SMG6: variants seen among roughly 807,000 people sequenced by gnomAD.
SMG6 encodes SMG6 nonsense mediated mRNA decay factor.
In SMG6, 66 loss-of-function variants were observed where a neutral mutation model predicts 142.2. The observed-to-expected ratio is 0.46, with a 90% CI of 0.38 to 0.57. The LOEUF (loss-of-function observed/expected upper bound fraction) is 0.57, where lower values mean the gene tolerates loss of function less well. Ranked by LOEUF, SMG6 falls within the 20% of genes least tolerant of loss-of-function variation. The pLI is 0.00. For missense variants in SMG6, 1,793 were observed against 1,832.0 expected (o/e 0.98, Z 0.39); for synonymous variants, 779 against 702.4 (o/e 1.11, Z -1.72).
chr17:2,277,674 A>G (rs8066372), intron 8 of SMG6, among the ~76,000 whole-genome samples: 64,879 of 152,090 alleles, frequency 0.43, 15,113 homozygotes, highest in African/African-American at 0.62. Context: ...TATAGCAGGA[A>G]TAATTTATGT....
intron 8 of SMG6, among the ~76,000 whole-genome samples, chr17:2,254,496 G>A (rs548527098): frequency 2.6e-4 from 39 of 152,154 alleles, no homozygotes; most frequent in African/African-American, 8.9e-4. Flanking sequence ...CACCAAGCCC[G>A]GCCAATTTTT....
chr17:2,298,638 A>G (rs2075197932), intron 2 of SMG6, among the ~76,000 whole-genome samples: 1 of 151,944 alleles, frequency 6.6e-6, no homozygotes, highest in African/African-American at 2.4e-5. Context: ...GAATGGTATG[A>G]ACCCAGGAGG....
chr17:2,244,651 C>A lies in SMG6; in HGVS notation c.2723+7G>T. 1 of 1,605,340 alleles carries A rather than the reference C, an allele frequency of 6.2e-7. No individual in the cohort carries two copies. The highest frequency in any genetic ancestry group is 8.5e-7 in the Non-Finnish European group (1 of 1,171,912). On this transcript the variant is annotated splice_region_variant and intron_variant, in intron 9 of 18. Coordinates refer to ENST00000263073, the MANE Select transcript of SMG6 (RefSeq NM_017575.5). ...AGGAAAATAAAATAAACATCCTGCA[C>A]ACTTACCCAATCCGGGTAAACAGCT...
At chr17:2,065,444 T>C (rs2067913371) in intron 17 of SMG6, 24 bp downstream of exon 17, 2 of 1,604,386 alleles carry the variant, frequency 1.2e-6, no homozygotes, top group Non-Finnish European at 1.7e-6. Context: ...CTGTGGGCTT[T>C]CCCTTCCTGC....
intron 12 of SMG6, among the ~76,000 whole-genome samples, chr17:2,181,711 C>T (rs554549463): frequency 3.3e-5 from 5 of 152,328 alleles, no homozygotes; most frequent in East Asian, 3.9e-4. Flanking sequence ...GAAGCCCAGC[C>T]GGGGATGGCT....
intron 13 of SMG6, among the ~76,000 whole-genome samples, chr17:2,171,617 GC>G (rs888142963): frequency 2.6e-5 from 4 of 151,822 alleles, no homozygotes; most frequent in Non-Finnish European, 5.9e-5. Context: ...CAAGCGATCC[GC>G]CCGTCTCCGC....
At position 2,282,695 on chromosome 17, in the gene SMG6, C is replaced by G; in HGVS notation, c.2613G>C (p.Gly871=). 6.2e-7 allele frequency: 1 copy of G among 1,614,092 alleles called. No individual in the cohort carries two copies. The highest frequency in any genetic ancestry group is 1.3e-5 in the African/African-American group (1 of 75,032). ...HPRSSQGTES[G]KDSEQENGLG... ...GCCCATTCTCTTGCTCAGAATCCTT[C>G]CCAGACTCAGTGCCCTGGGAAGACC... Residue 871 remains glycine, a synonymous_variant, in exon 8 of 19, where the codon GGG becomes GGC. Coordinates refer to ENST00000263073, the MANE Select transcript of SMG6 (RefSeq NM_017575.5).
At chr17:2,069,602 C>G (rs1252036288) in intron 15 of SMG6, among the ~76,000 whole-genome samples, 1 of 152,038 alleles carries the variant, frequency 6.6e-6, no homozygotes, top group East Asian at 1.9e-4. Context: ...TCTCAAAAAA[C>G]AAAAACAACA....
At chr17:2,197,742 T>C (rs1369675501) in intron 10 of SMG6, among the ~76,000 whole-genome samples, 1 of 152,152 alleles carries the variant, frequency 6.6e-6, no homozygotes, top group African/African-American at 2.4e-5. Flanking sequence ...TTCAATATAA[T>C]TAGCCATTAG....
At chr17:2,297,419 G>A (rs551674599) in intron 3 of SMG6, 66 bp from the exon 4 acceptor site, 10 of 1,211,642 alleles carry the variant, frequency 8.3e-6, no homozygotes, top group African/African-American at 4.6e-5. Context: ...ACCAAAAACC[G>A]GGGCAGACAA....
chr17:2,135,853 T>C (rs947685683), intron 13 of SMG6, among the ~76,000 whole-genome samples: 2 of 151,970 alleles, frequency 1.3e-5, no homozygotes, highest in African/African-American at 4.8e-5. Context: ...CATGCCCAGC[T>C]AACTTAAATT....
chr17:2,166,339 G>C (rs2071338040), intron 13 of SMG6, among the ~76,000 whole-genome samples: 2 of 152,024 alleles, frequency 1.3e-5, no homozygotes, highest in Non-Finnish European at 2.9e-5. Flanking sequence ...TGAGGTCTAA[G>C]AAAATAATCT....
Position 2,283,636 on chromosome 17 carries a change from T to A in SMG6, c.2437A>T (p.Thr813Ser), listed in dbSNP as rs2074840341. 6.2e-7 allele frequency: 1 copy of A among 1,613,962 alleles called. No homozygotes were observed. Among genetic ancestry groups the A allele is most frequent in the Admixed American group, 1.7e-5 (1 of 60,010 alleles). The change falls in exon 7 of 19, where the codon ACC (threonine) becomes TCC (serine). Residue 813 changes from threonine to serine, a missense_variant. Transcript: ENST00000263073. ...KESLMSLFEE[T>S]KRKAEQMEKK... ...ACATCCCCACTCACCTTCCGCTTGG[T>A]CTCTTCAAACAAGCTCATGAGACTC...
At chr17:2,185,245 C>A (rs2071940941) in intron 12 of SMG6, among the ~76,000 whole-genome samples, 1 of 151,982 alleles carries the variant, frequency 6.6e-6, no homozygotes, top group South Asian at 2.1e-4. Context: ...ACGGAAAGAC[C>A]CCTAGACAAG....
At chr17:2,128,879 GAAA>G (rs1475668072) in intron 13 of SMG6, among the ~76,000 whole-genome samples, 4 of 149,102 alleles carry the variant, frequency 2.7e-5, no homozygotes, top group African/African-American at 9.9e-5. Context: ...CAAAAAGACA[GAAA>G]AAGAAAGAAA....
At chr17:2,223,895 C>A (rs1326215253) in intron 10 of SMG6, among the ~76,000 whole-genome samples, 2 of 151,914 alleles carry the variant, frequency 1.3e-5, no homozygotes, top group Admixed American at 1.3e-4. Context: ...TGCCCAGTCA[C>A]ACTGCTCATG....
At chr17:2,221,309 G>A (rs934628239) in intron 10 of SMG6, among the ~76,000 whole-genome samples, 3 of 151,996 alleles carry the variant, frequency 2.0e-5, no homozygotes, top group African/African-American at 4.8e-5. Context: ...TGGAGCTCTC[G>A]GGACATCTGG....
At position 2,183,443 on chromosome 17, in the gene SMG6, T is replaced by C. The variant is rs75608453; in HGVS notation, c.3155+3220A>G. ...GTGACACATGGAACATGGACAGAGA[T>C]TGAAGTCAGCAAGCTTTTTCTGTAA... On this transcript the variant is annotated intron_variant, in intron 12 of 18. Coordinates refer to ENST00000263073, the MANE Select transcript of SMG6 (RefSeq NM_017575.5). Among the ~76,000 whole-genome samples the C allele has an allele frequency of 3.4e-3, 518 of 152,234 alleles. 1 individual carries two copies. The highest frequency in any genetic ancestry group is 5.4e-3 in the Non-Finnish European group (364 of 68,012).
At chr17:2,274,277 A>G (rs1334095856) in intron 8 of SMG6, among the ~76,000 whole-genome samples, 1 of 152,232 alleles carries the variant, frequency 6.6e-6, no homozygotes, top group African/African-American at 2.4e-5. Flanking sequence ...AAGTAACAAT[A>G]GTGTATTCAT....
Sources: allele counts gnomAD v4.1 joint callset (sites outside exome capture counted in the v4.1 genomes callset), GRCh38; gene constraint gnomAD v4.1.1; transcripts MANE v1.5; gene names NCBI Gene and HGNC (gene_info 2026-07-23, HGNC 2026-07-21).